RNF150: variants seen among roughly 807,000 people sequenced by gnomAD.
The protein encoded by RNF150 is ring finger protein 150.
A neutral mutation model predicts 39.3 loss-of-function variants in RNF150; 24 were observed. The observed-to-expected ratio is 0.61, with a 90% confidence interval of 0.44 to 0.86. RNF150 has a LOEUF of 0.86. Among genes scored for constraint, RNF150 ranks in the 40% least tolerant of loss-of-function variants. RNF150 has a pLI of 0.00. For missense variants in RNF150, 502 were observed against 587.8 expected, an observed-to-expected ratio of 0.85 and a Z score of 1.51; for synonymous variants, 255 against 227.3, an observed-to-expected ratio of 1.12 and a Z score of -1.10.
chr4:141,027,945 T>TG (rs1560696833), intron 1 of RNF150, among the ~76,000 whole-genome samples: 1 of 130,628 alleles, frequency 7.7e-6, no homozygotes, highest in African/African-American at 2.8e-5. Flanking sequence ...TTTTTTTTTT[T>TG]TTTTTTTCAA....
intron 2 of RNF150, among the ~76,000 whole-genome samples, chr4:140,954,779 A>AAAAAT (rs1732678702): frequency 6.6e-6 from 1 of 152,220 alleles, no homozygotes; most frequent in Non-Finnish European, 1.5e-5. Context: ...AGAAACTGAG[A>AAAAAT]AAAATAAGAA....
At chr4:141,124,637 G>A (rs1054137571) in intron 1 of RNF150, among the ~76,000 whole-genome samples, 1 of 152,062 alleles carries the variant, frequency 6.6e-6, no homozygotes, top group Non-Finnish European at 1.5e-5. Flanking sequence ...AGAAAAAGGG[G>A]GAAACAAGCA....
chr4:141,133,735 C>T (rs968749446), upstream of RNF150, among the ~76,000 whole-genome samples: 2 of 152,128 alleles, frequency 1.3e-5, no homozygotes, highest in Non-Finnish European at 2.9e-5. Context: ...GTAAACGACC[C>T]TCCCGTTTGC....
chr4:141,138,526 T>C (rs963026473), intron 1 of RNF150, among the ~76,000 whole-genome samples: 2 of 152,226 alleles, frequency 1.3e-5, no homozygotes, highest in African/African-American at 2.4e-5. Context: ...TATTATTTTT[T>C]TAATCAATTT....
intron 1 of RNF150, among the ~76,000 whole-genome samples, chr4:141,152,501 ATTTAT>A (rs1335553892): frequency 2.0e-5 from 3 of 152,160 alleles, no homozygotes; most frequent in African/African-American, 7.2e-5. Flanking sequence ...CCATCCATGT[ATTTAT>A]TTTATTATTT....
intron 1 of RNF150, among the ~76,000 whole-genome samples, chr4:141,085,719 C>A (rs934717317): frequency 6.6e-6 from 1 of 152,004 alleles, no homozygotes; most frequent in Non-Finnish European, 1.5e-5. Context: ...GTTTATACAA[C>A]AAAAGTAACT....
chr4:141,120,296 G>C lies in RNF150; in HGVS notation c.484+12029C>G, dbSNP rs148559570. Among the ~76,000 whole-genome samples, 698 of 152,278 alleles carry C rather than the reference G, an allele frequency of 4.6e-3. 26 individuals are homozygous for C. The highest frequency in any genetic ancestry group is 0.037 in the Admixed American group (573 of 15,298). On this transcript the variant is annotated intron_variant, in intron 1 of 6. Coordinates refer to ENST00000515673, the MANE Select transcript of RNF150 (RefSeq NM_020724.2). The stretch of plus-strand genomic sequence containing the variant: ...AGTGGCCAGAGAAAACTGACAAAGG[G>C]GGTAAAGGGCGATGATGACAGGAAA...
intron 1 of RNF150, among the ~76,000 whole-genome samples, chr4:141,026,932 G>A (rs184458309): frequency 1.1e-4 from 16 of 152,340 alleles, no homozygotes; most frequent in Non-Finnish European, 2.1e-4. Context: ...AGCAGGGGGA[G>A]TGAGGAGTAA....
chr4:140,956,958 G>T (rs1383628540), intron 2 of RNF150, among the ~76,000 whole-genome samples: 4 of 150,526 alleles, frequency 2.7e-5, no homozygotes, highest in Admixed American at 2.0e-4. Flanking sequence ...AACCCTAGAA[G>T]AAAACCTAGG....
At chr4:141,197,617 G>A (rs183999859) in intron 1 of RNF150, among the ~76,000 whole-genome samples, 208 of 152,190 alleles carry the variant, frequency 1.4e-3, no homozygotes, top group East Asian at 3.3e-3. Flanking sequence ...GGTGGCTCAC[G>A]TCTGTAATCC....
rs903135086 is a variant in RNF150, at chr4:141,133,219, C to T, written c.-411G>A. 2.2e-5 allele frequency: 5 copies of T among 227,288 alleles called. No homozygotes were observed. Among genetic ancestry groups the T allele is most frequent in the Admixed American group, 6.0e-5 (1 of 16,712 alleles). 14.1% of individuals were successfully genotyped at this position (227,288 alleles called of 1,614,324 possible). On this transcript the variant is annotated 5_prime_UTR_variant, in exon 1 of 7. Coordinates refer to ENST00000515673, the MANE Select transcript of RNF150 (RefSeq NM_020724.2). Reference sequence around the variant, plus strand: ...CCCGGCGGGGACGGGCACGATTGCTCGTAGTCTGGGGTGCTGCGGTGCGGG... The same window carrying T: ...CCCGGCGGGGACGGGCACGATTGCTTGTAGTCTGGGGTGCTGCGGTGCGGG...
At chr4:141,040,174 C>CAT (rs1736303754) in intron 1 of RNF150, among the ~76,000 whole-genome samples, 1 of 151,962 alleles carries the variant, frequency 6.6e-6, no homozygotes, top group Non-Finnish European at 1.5e-5. Flanking sequence ...CAACCACACA[C>CAT]ACACACACAC....
At chr4:141,179,896 C>T (rs1414786630) in intron 1 of RNF150, among the ~76,000 whole-genome samples, 1 of 152,156 alleles carries the variant, frequency 6.6e-6, no homozygotes, top group Non-Finnish European at 1.5e-5. Context: ...CATACTTTAG[C>T]GTTCTCTATC....
At chr4:140,971,076 C>A (rs1733445407) in intron 1 of RNF150, among the ~76,000 whole-genome samples, 1 of 152,052 alleles carries the variant, frequency 6.6e-6, no homozygotes, top group African/African-American at 2.4e-5. Context: ...GATGAATGCA[C>A]AAAATCCAGG....
intron 1 of RNF150, among the ~76,000 whole-genome samples, chr4:141,070,282 A>G (rs1370687989): frequency 6.6e-6 from 1 of 152,182 alleles, no homozygotes; most frequent in African/African-American, 2.4e-5. Context: ...AAAACCTTAG[A>G]AGAAAACCTA....
At chr4:140,985,119 C>T (rs972616374) in intron 1 of RNF150, among the ~76,000 whole-genome samples, 3 of 152,102 alleles carry the variant, frequency 2.0e-5, no homozygotes, top group African/African-American at 7.2e-5. Flanking sequence ...GCTATAATGG[C>T]TCATGCCTTA....
intron 3 of RNF150, among the ~76,000 whole-genome samples, chr4:140,948,842 G>C (rs78517718): frequency 0.011 from 1,620 of 152,264 alleles, 20 homozygotes; most frequent in Non-Finnish European, 0.019. Context: ...AAGCTGTCTT[G>C]CTTGCAAAGA....
At chr4:141,003,709 C>T (rs1013653558) in intron 1 of RNF150, among the ~76,000 whole-genome samples, 2 of 152,094 alleles carry the variant, frequency 1.3e-5, no homozygotes, top group African/African-American at 4.8e-5. Context: ...AGAAAAGCTG[C>T]AAAACTGAAC....
At chr4:141,032,536 T>G (rs777160386) in intron 1 of RNF150, among the ~76,000 whole-genome samples, 1 of 152,086 alleles carries the variant, frequency 6.6e-6, no homozygotes, top group Non-Finnish European at 1.5e-5. Flanking sequence ...ACAAAGGGTA[T>G]ACCAAAACAT....
Sources: gnomAD v4.1 joint callset for allele counts (sites outside exome capture counted in the v4.1 genomes callset) on GRCh38, gnomAD v4.1.1 for gene constraint, MANE v1.5 for transcripts, NCBI Gene and HGNC (gene_info 2026-07-23, HGNC 2026-07-21) for gene names.